NCOA7: variants seen among roughly 807,000 people sequenced by gnomAD.
The protein encoded by NCOA7 is 140 kDa estrogen receptor-associated protein.
In NCOA7, 45 loss-of-function variants were observed where a neutral mutation model predicts 104.3. That is an observed-to-expected ratio of 0.43 (90% confidence interval 0.34 to 0.55). The LOEUF (loss-of-function observed/expected upper bound fraction) is 0.55, where lower values mean the gene tolerates loss of function less well. NCOA7 is among the 20% of genes least tolerant of loss of function. NCOA7 has a pLI of 0.02. For missense variants in NCOA7, 1,041 were observed against 1,119.7 expected (o/e 0.93, Z 1.00); for synonymous variants, 398 against 402.3 (o/e 0.99, Z 0.13).
chr6:125,798,637 A>T (rs1255697569), intron 1 of NCOA7, among the ~76,000 whole-genome samples: 3 of 152,210 alleles, frequency 2.0e-5, no homozygotes, highest in African/African-American at 7.2e-5. Context: ...AGTTAAACAT[A>T]AACAGTATAT....
At chr6:125,827,598 C>G (rs896114696) in intron 2 of NCOA7, among the ~76,000 whole-genome samples, 1 of 152,162 alleles carries the variant, frequency 6.6e-6, no homozygotes, top group Non-Finnish European at 1.5e-5. Flanking sequence ...TCATTTAATA[C>G]TCATGTGTTA....
chr6:125,827,663 T>A (rs1230345742), intron 2 of NCOA7, among the ~76,000 whole-genome samples: 2 of 152,134 alleles, frequency 1.3e-5, no homozygotes, highest in African/African-American at 4.8e-5. Flanking sequence ...ATCTGTGTGT[T>A]TAGGAGAAGG....
At chr6:125,834,166 AAAAC>A (rs1185382078) in intron 2 of NCOA7, among the ~76,000 whole-genome samples, 1 of 150,926 alleles carries the variant, frequency 6.6e-6, no homozygotes, top group Non-Finnish European at 1.5e-5. Context: ...TGTTTTAATA[AAAAC>A]AAATATTTGG....
At chr6:125,794,017 AT>A (rs1775084583) in intron 1 of NCOA7, among the ~76,000 whole-genome samples, 1 of 152,144 alleles carries the variant, frequency 6.6e-6, no homozygotes, top group Non-Finnish European at 1.5e-5. Context: ...TTCCCTTCCA[AT>A]ACTAGCTGTT....
intron 10 of NCOA7, among the ~76,000 whole-genome samples, chr6:125,900,282 T>G (rs909447713): frequency 2.0e-5 from 3 of 152,236 alleles, no homozygotes; most frequent in African/African-American, 7.2e-5. Flanking sequence ...CACTGTTTAA[T>G]TTTAAAGATA....
At position 125,815,332 on chromosome 6, in the gene NCOA7, C is replaced by A; in HGVS notation, c.-23C>A. The A allele has an allele frequency of 6.3e-7, 1 of 1,584,628 alleles. No homozygotes were observed. Among genetic ancestry groups the A allele is most frequent in the Non-Finnish European group, 8.6e-7 (1 of 1,163,862 alleles). ...TTAAAAAGAGGGACTTTTTCAAATA[C>A]TTTGCACTTTTGATTGTGTATTATG... On this transcript the variant is annotated 5_prime_UTR_variant, in exon 2 of 16. Coordinates refer to ENST00000392477, the MANE Select transcript of NCOA7 (RefSeq NM_181782.5).
Position 125,885,288 on chromosome 6 carries a change from T to C in NCOA7, c.829T>C (p.Ser277Pro). Residue 277 changes from serine (S) to proline (P), a missense_variant, in exon 8 of 16, where the codon TCC becomes CCC. Physicochemically the swap from Ser to Pro is moderately conservative, Grantham distance 74. This residue lies in a region of NCOA7 where 914 missense variants were observed against 942.7 expected (regional missense o/e 0.97). Coordinates refer to ENST00000392477, the MANE Select transcript of NCOA7 (RefSeq NM_181782.5). Reference sequence around the variant, plus strand: ...CATCTGCCCCATGGAAGAGGTTGTTTCCATTGCGCTCTACAATGACATTTC... The same window carrying C: ...CATCTGCCCCATGGAAGAGGTTGTTCCCATTGCGCTCTACAATGACATTTC... ...GLICPMEEVV[S>P]IALYNDISHM... 3 of 1,614,022 alleles carry C rather than the reference T, an allele frequency of 1.9e-6. No individual in the cohort carries two copies. The highest frequency in any genetic ancestry group is 2.5e-6 in the Non-Finnish European group (3 of 1,179,924).
Position 125,882,464 on chromosome 6 carries a change from A to G in NCOA7, c.612A>G (p.Glu204=). 3 of 1,613,772 alleles carry G rather than the reference A, an allele frequency of 1.9e-6. No homozygotes were observed. Among genetic ancestry groups the G allele is most frequent in the East Asian group, 4.5e-5 (2 of 44,834 alleles). The part of the protein sequence containing the change: ...DLARKALKPI[E]RVLSSTSEED... The stretch of plus-strand genomic sequence containing the variant: ...CACGAAAGGCCTTGAAACCCATTGA[A>G]AGAGTCTTATCGTCTACTTCTGAAG... Residue 204 remains glutamate (E), a synonymous_variant, in exon 7 of 16, where the codon GAA becomes GAG. Coordinates refer to ENST00000392477, the MANE Select transcript of NCOA7 (RefSeq NM_181782.5).
intron 1 of NCOA7, among the ~76,000 whole-genome samples, chr6:125,805,087 C>CTTTTTTTTTTT (rs59737297): frequency 2.6e-4 from 15 of 58,042 alleles, no homozygotes; most frequent in East Asian, 5.6e-4. Flanking sequence ...CCCTCTTGTT[C>CTTTTTTTTTTT]TTTTTTTTTT....
At chr6:125,840,801 G>A (rs752599593) in intron 2 of NCOA7, among the ~76,000 whole-genome samples, 10 of 149,442 alleles carry the variant, frequency 6.7e-5, no homozygotes, top group Admixed American at 1.3e-4. Context: ...TTGAGTCATC[G>A]TGCCTGGACA....
intron 1 of NCOA7, among the ~76,000 whole-genome samples, chr6:125,803,302 T>C (rs1776084268): frequency 6.6e-6 from 1 of 152,232 alleles, no homozygotes; most frequent in African/African-American, 2.4e-5. Flanking sequence ...GGCATAACTT[T>C]TTCATGCCCC....
intron 2 of NCOA7, among the ~76,000 whole-genome samples, chr6:125,853,665 C>T (rs1781311153): frequency 6.6e-6 from 1 of 152,036 alleles, no homozygotes; most frequent in Non-Finnish European, 1.5e-5. Flanking sequence ...TTTTTCTTAC[C>T]ATGCTTAGTT....
intron 1 of NCOA7, among the ~76,000 whole-genome samples, chr6:125,804,853 T>C (rs1562789124): frequency 6.6e-6 from 1 of 152,076 alleles, no homozygotes; most frequent in Non-Finnish European, 1.5e-5. Context: ...TGTGAGGAAA[T>C]AGATTGGTTT....
intron 5 of NCOA7, among the ~76,000 whole-genome samples, chr6:125,880,631 G>C (rs1783747739): frequency 6.6e-6 from 1 of 152,020 alleles, no homozygotes; most frequent in South Asian, 2.1e-4. Flanking sequence ...GGGTTCAAGA[G>C]ATTCTCCTGC....
intron 11 of NCOA7, among the ~76,000 whole-genome samples, chr6:125,918,680 T>C (rs1019432833): frequency 6.6e-6 from 1 of 152,208 alleles, no homozygotes. Context: ...AAAAGATAAG[T>C]ATTACTCTGC....
chr6:125,878,093 CTGTAAAA>C (rs1451506492), intron 4 of NCOA7, among the ~76,000 whole-genome samples, 163 bp from the exon 5 acceptor site: 1 of 152,120 alleles, frequency 6.6e-6, no homozygotes, highest in Non-Finnish European at 1.5e-5. Flanking sequence ...TAAGACTTTG[CTGTAAAA>C]TGATTTTATT....
intron 10 of NCOA7, among the ~76,000 whole-genome samples, chr6:125,907,637 C>T (rs1458899172): frequency 6.6e-6 from 1 of 152,164 alleles, no homozygotes; most frequent in Non-Finnish European, 1.5e-5. Context: ...AAAATGTTCC[C>T]CACCTCCTTG....
intron 2 of NCOA7, among the ~76,000 whole-genome samples, chr6:125,832,809 A>G (rs775133171): frequency 1.3e-5 from 2 of 152,246 alleles, no homozygotes; most frequent in African/African-American, 4.8e-5. Context: ...TTGGCAGGAC[A>G]CAGGAGGAAC....
At chr6:125,898,575 T>C (rs755896760) in intron 10 of NCOA7, among the ~76,000 whole-genome samples, 3 of 152,212 alleles carry the variant, frequency 2.0e-5, no homozygotes, top group Non-Finnish European at 2.9e-5. Context: ...CTTTAGTTCC[T>C]CTTCTTAAAA....
Sources: allele counts gnomAD v4.1 joint callset (sites outside exome capture counted in the v4.1 genomes callset), GRCh38; gene constraint gnomAD v4.1.1; regional missense constraint gnomAD v4.1.1; transcripts MANE v1.5; gene names NCBI Gene and HGNC (gene_info 2026-07-23, HGNC 2026-07-21).